The following NKAIN2 variants were observed in gnomAD, a reference collection of about 807,000 sequenced individuals.
The protein encoded by NKAIN2 is sodium/potassium-transporting ATPase subunit beta-1-interacting protein 2.
Under a neutral mutation model 32.6 loss-of-function variants are expected in NKAIN2, and 14 were observed. That is an observed-to-expected ratio of 0.43 (90% CI 0.28 to 0.67). The LOEUF is 0.67. NKAIN2 is among the 30% of genes least tolerant of loss of function. The probability of loss-of-function intolerance (pLI) is 0.17; values close to 1 mark genes in which losing one functional copy is unlikely to be tolerated. For synonymous variants in NKAIN2, 80 were observed against 87.2 expected (o/e 0.92, Z 0.46); for missense variants, 198 against 258.3 (o/e 0.77, Z 1.60).
chr6:124,312,913 C>T (rs1057480426), intron 2 of NKAIN2, among the ~76,000 whole-genome samples: 5 of 152,008 alleles, frequency 3.3e-5, no homozygotes, highest in East Asian at 1.9e-4. Flanking sequence ...GACAGAAAAG[C>T]GGGAGGAAAT....
chr6:123,959,777 C>CCT (rs1176988977), intron 1 of NKAIN2, among the ~76,000 whole-genome samples: 4 of 150,526 alleles, frequency 2.7e-5, no homozygotes, highest in African/African-American at 7.3e-5. Flanking sequence ...ATGATCTTTT[C>CCT]CTCTCTCTCT....
At chr6:124,015,001 CG>C (rs1424383395) in intron 1 of NKAIN2, among the ~76,000 whole-genome samples, 3 of 151,940 alleles carry the variant, frequency 2.0e-5, no homozygotes, top group African/African-American at 4.8e-5. Flanking sequence ...TTTATGATGA[CG>C]TTTTTAGGGA....
At chr6:124,232,642 G>A (rs972885345) in intron 1 of NKAIN2, among the ~76,000 whole-genome samples, 1 of 152,104 alleles carries the variant, frequency 6.6e-6, no homozygotes, top group South Asian at 2.1e-4. Flanking sequence ...CCACTTTCCT[G>A]ATTGAATCTG....
intron 2 of NKAIN2, among the ~76,000 whole-genome samples, chr6:124,318,020 T>A (rs1797032412): frequency 6.6e-6 from 1 of 152,054 alleles, no homozygotes; most frequent in Non-Finnish European, 1.5e-5. Flanking sequence ...AAGAAAAATT[T>A]CCAATCATTT....
chr6:124,342,405 T>A (rs1583079215), intron 2 of NKAIN2, among the ~76,000 whole-genome samples: 2 of 142,120 alleles, frequency 1.4e-5, no homozygotes, highest in Admixed American at 6.8e-5. Flanking sequence ...TGAGACTCCA[T>A]CTCAAAAAAA....
intron 1 of NKAIN2, among the ~76,000 whole-genome samples, chr6:124,117,555 C>T (rs778165471): frequency 6.6e-6 from 1 of 152,112 alleles, no homozygotes; most frequent in Non-Finnish European, 1.5e-5. Context: ...AAGGCATATA[C>T]TCTGTCCTAA....
intron 1 of NKAIN2, among the ~76,000 whole-genome samples, chr6:124,136,548 TAAC>T (rs1251357912): frequency 2.0e-5 from 3 of 151,578 alleles, no homozygotes; most frequent in Non-Finnish European, 4.4e-5. Flanking sequence ...GGAAAGGAAA[TAAC>T]AAAAAAGAAA....
At chr6:124,122,237 T>C (rs923527608) in intron 1 of NKAIN2, among the ~76,000 whole-genome samples, 1 of 152,116 alleles carries the variant, frequency 6.6e-6, no homozygotes. Flanking sequence ...TACATGTTTT[T>C]TGATATAAAG....
intron 3 of NKAIN2, among the ~76,000 whole-genome samples, chr6:124,444,534 G>T (rs757006809): frequency 6.6e-6 from 1 of 151,856 alleles, no homozygotes; most frequent in African/African-American, 2.4e-5. Flanking sequence ...AGGAGTAACC[G>T]TATTATATAT....
At chr6:124,594,016 A>G (rs1308398735) in intron 3 of NKAIN2, among the ~76,000 whole-genome samples, 1 of 152,220 alleles carries the variant, frequency 6.6e-6, no homozygotes, top group African/African-American at 2.4e-5. Context: ...TTTTATTTGC[A>G]GAGGCACTGA....
At chr6:124,096,472 G>C (rs1392797642) in intron 1 of NKAIN2, among the ~76,000 whole-genome samples, 2 of 152,148 alleles carry the variant, frequency 1.3e-5, no homozygotes, top group Non-Finnish European at 2.9e-5. Flanking sequence ...TTTAGTTACA[G>C]CTCAACAGCT....
intron 3 of NKAIN2, among the ~76,000 whole-genome samples, chr6:124,485,088 A>G (rs1777601049): frequency 6.6e-6 from 1 of 152,212 alleles, no homozygotes; most frequent in Non-Finnish European, 1.5e-5. Context: ...GCCATTAAAA[A>G]ATAGATCTGC....
At chr6:124,438,218 C>T (rs1447206958) in intron 3 of NKAIN2, among the ~76,000 whole-genome samples, 1 of 152,082 alleles carries the variant, frequency 6.6e-6, no homozygotes, top group Non-Finnish European at 1.5e-5. Flanking sequence ...CAATAATTGT[C>T]TAAAAATCCC....
intron 1 of NKAIN2, among the ~76,000 whole-genome samples, chr6:123,840,641 T>C (rs1774831167): frequency 6.6e-6 from 1 of 152,128 alleles, no homozygotes. Flanking sequence ...TTTGAGGTAC[T>C]TGTCCTGTCT....
intron 3 of NKAIN2, among the ~76,000 whole-genome samples, chr6:124,379,061 C>T (rs1253898657): frequency 2.8e-5 from 4 of 144,104 alleles, no homozygotes; most frequent in African/African-American, 1.0e-4. Context: ...CACTGCACTC[C>T]AGCCTGGACA....
rs1163437197 is a variant in NKAIN2 at position 124,709,943 on chromosome 6, T to C, written c.474+51557T>C. Among the ~76,000 whole-genome samples the C allele has an allele frequency of 4.6e-5, 7 of 152,190 alleles. No individual in the cohort carries two copies. The South Asian group carries it at 1.4e-3, about 32-fold the overall frequency. On this transcript the variant is annotated intron_variant, in intron 4 of 6. Transcript: ENST00000368417. ...ATGTTAGGGTGTCAATTTTGGATCT[T>C]TCCTGCTTTCTCTTGTGGGCATTTA... is the stretch of plus-strand genomic sequence containing the variant.
chr6:124,484,603 T>G (rs1777579812), intron 3 of NKAIN2, among the ~76,000 whole-genome samples: 2 of 152,164 alleles, frequency 1.3e-5, no homozygotes, highest in Non-Finnish European at 2.9e-5. Flanking sequence ...TAAACTTGAA[T>G]TTTCTTGATT....
intron 3 of NKAIN2, among the ~76,000 whole-genome samples, chr6:124,604,443 A>C (rs1325387167): frequency 6.6e-6 from 1 of 151,716 alleles, no homozygotes; most frequent in Non-Finnish European, 1.5e-5. Context: ...TTTAAAAATT[A>C]TTTCTTTCCC....
chr6:123,811,906 G>A (rs754723343), intron 1 of NKAIN2, among the ~76,000 whole-genome samples: 3 of 149,394 alleles, frequency 2.0e-5, no homozygotes, highest in African/African-American at 4.9e-5. Flanking sequence ...CCTGATATAC[G>A]TACTTTAAGT....
Sources: allele counts gnomAD v4.1 joint callset (sites outside exome capture counted in the v4.1 genomes callset), GRCh38; gene constraint gnomAD v4.1.1; transcripts MANE v1.5; gene names NCBI Gene and HGNC (gene_info 2026-07-23, HGNC 2026-07-21).